Variants in ITGA8 observed in about 807,000 individuals in gnomAD.
The protein encoded by ITGA8 is integrin alpha-8.
A neutral mutation model predicts 142.3 loss-of-function variants in ITGA8; 91 were observed. That is an observed-to-expected ratio of 0.64 (90% CI 0.54 to 0.76). The LOEUF (loss-of-function observed/expected upper bound fraction) is 0.76. Ranked by LOEUF, ITGA8 falls within the 30% of genes least tolerant of loss-of-function variation. The pLI, the probability that ITGA8 is intolerant of heterozygous loss-of-function variation, is 0.00. For synonymous variants in ITGA8, 505 were observed against 485.2 expected, an observed-to-expected ratio of 1.04 and a Z score of -0.54; for missense variants, 1,406 against 1,327.7, an observed-to-expected ratio of 1.06 and a Z score of -0.92.
At chr10:15,578,478 T>C (rs1327030221) in intron 23 of ITGA8, among the ~76,000 whole-genome samples, 2 of 152,134 alleles carry the variant, frequency 1.3e-5, no homozygotes, top group Non-Finnish European at 2.9e-5. Flanking sequence ...AAGATTAATG[T>C]AGGGATTCTT....
intron 23 of ITGA8, among the ~76,000 whole-genome samples, chr10:15,576,696 A>G (rs952801241): frequency 6.6e-6 from 1 of 152,196 alleles, no homozygotes; most frequent in African/African-American, 2.4e-5. Flanking sequence ...CTTCATCTGG[A>G]AAATTATGAT....
At chr10:15,635,874 GCCT>G (rs1332665457) in intron 13 of ITGA8, among the ~76,000 whole-genome samples, 1 of 150,120 alleles carries the variant, frequency 6.7e-6, no homozygotes, top group African/African-American at 2.4e-5. Flanking sequence ...TTTGGATAAA[GCCT>G]CCTTCCATGC....
At chr10:15,522,134 A>C (rs1184218623) in intron 28 of ITGA8, among the ~76,000 whole-genome samples, 1 of 152,260 alleles carries the variant, frequency 6.6e-6, no homozygotes, top group Non-Finnish European at 1.5e-5. Flanking sequence ...TGTTTGAGAC[A>C]ATAGATATCC....
chr10:15,531,869 T>TG (rs756937599), intron 27 of ITGA8, among the ~76,000 whole-genome samples: 2 of 151,994 alleles, frequency 1.3e-5, no homozygotes, highest in East Asian at 1.9e-4. Flanking sequence ...CGCTTGAACC[T>TG]GGGGGGCGCA....
At chr10:15,554,613 G>C (rs1833855724) in intron 26 of ITGA8, among the ~76,000 whole-genome samples, 1 of 152,200 alleles carries the variant, frequency 6.6e-6, no homozygotes, top group Non-Finnish European at 1.5e-5. Context: ...AATTGGCTGA[G>C]AGAGTAGAAG....
chr10:15,569,490 T>C (rs751453123), intron 25 of ITGA8, among the ~76,000 whole-genome samples: 2 of 152,240 alleles, frequency 1.3e-5, no homozygotes, highest in Non-Finnish European at 2.9e-5. Flanking sequence ...GATACTGGAA[T>C]TGAATTCTTG....
At chr10:15,693,895 A>G (rs938062336) in intron 2 of ITGA8, among the ~76,000 whole-genome samples, 10 of 151,942 alleles carry the variant, frequency 6.6e-5, no homozygotes, top group African/African-American at 2.2e-4. Flanking sequence ...AAATCTCTTA[A>G]TGACAGATAG....
intron 13 of ITGA8, among the ~76,000 whole-genome samples, chr10:15,637,094 G>A (rs756410159): frequency 3.3e-5 from 5 of 152,182 alleles, no homozygotes; most frequent in African/African-American, 1.2e-4. Context: ...GCAGTGATCC[G>A]AGATTGTGAC....
At chr10:15,697,199 A>G (rs1381703722) in intron 2 of ITGA8, among the ~76,000 whole-genome samples, 2 of 152,226 alleles carry the variant, frequency 1.3e-5, no homozygotes, top group Non-Finnish European at 2.9e-5. Flanking sequence ...TTATACACAT[A>G]TGATTTGTAT....
chr10:15,517,271 A>C (rs776988253), intron 29 of ITGA8, 27 bp from the exon 30 acceptor site: 10 of 1,500,298 alleles, frequency 6.7e-6, no homozygotes, highest in Non-Finnish European at 9.2e-6. Flanking sequence ...GGGCTATAAA[A>C]TCACGTCATT....
chr10:15,676,383 A>T (rs1834631037), intron 6 of ITGA8, among the ~76,000 whole-genome samples: 1 of 152,140 alleles, frequency 6.6e-6, no homozygotes, highest in Non-Finnish European at 1.5e-5. Context: ...CACAGGTTGT[A>T]TTCCAGCTCC....
At chr10:15,698,946 T>C (rs1439342546) in intron 2 of ITGA8, among the ~76,000 whole-genome samples, 2 of 152,190 alleles carry the variant, frequency 1.3e-5, no homozygotes, top group Non-Finnish European at 2.9e-5. Flanking sequence ...TTTGTTTTGG[T>C]TGCATTTGCT....
At chr10:15,616,755 C>T (rs983265856) in intron 13 of ITGA8, among the ~76,000 whole-genome samples, 196 bp from the exon 14 acceptor site, 1 of 152,122 alleles carries the variant, frequency 6.6e-6, no homozygotes, top group Non-Finnish European at 1.5e-5. Context: ...CTTAATAAAA[C>T]GTCCATCAGT....
intron 2 of ITGA8, among the ~76,000 whole-genome samples, chr10:15,712,137 T>C (rs1835374579): frequency 6.6e-6 from 1 of 152,240 alleles, no homozygotes; most frequent in South Asian, 2.1e-4. Context: ...CTTTATGCAA[T>C]AAATATGTTC....
intron 2 of ITGA8, among the ~76,000 whole-genome samples, chr10:15,705,844 G>A (rs1217192100): frequency 2.6e-5 from 4 of 151,988 alleles, no homozygotes; most frequent in African/African-American, 9.7e-5. Context: ...TACCTAACTG[G>A]TGGCTCCTTC....
At chr10:15,572,447 C>G (rs537548381) in intron 24 of ITGA8, 78 bp from the exon 25 acceptor site, 318 of 1,271,746 alleles carry the variant, frequency 2.5e-4, no homozygotes, top group South Asian at 6.9e-4. Context: ...ACTCTATACC[C>G]ATTTTAGAAA....
chr10:15,637,724 T>C (rs2131640001), intron 13 of ITGA8, among the ~76,000 whole-genome samples: 1 of 152,110 alleles, frequency 6.6e-6, no homozygotes, highest in Non-Finnish European at 1.5e-5. Context: ...ATTTCCTAGG[T>C]TGGTTTCAAA....
chr10:15,535,024 CG>C, intron 27 of ITGA8, among the ~76,000 whole-genome samples: 1 of 152,266 alleles, frequency 6.6e-6, no homozygotes, highest in Non-Finnish European at 1.5e-5. Context: ...GCGGTGCTTG[CG>C]GGCCAGTGTG....
intron 11 of ITGA8, among the ~76,000 whole-genome samples, chr10:15,651,151 G>A (rs796209564): frequency 3.3e-5 from 5 of 151,728 alleles, no homozygotes; most frequent in African/African-American, 1.2e-4. Context: ...GTAATTCAGT[G>A]AATTTCTGAA....
Sources: allele counts gnomAD v4.1 joint callset (sites outside exome capture counted in the v4.1 genomes callset), GRCh38; gene constraint gnomAD v4.1.1; transcripts MANE v1.5; gene names NCBI Gene and HGNC (gene_info 2026-07-23, HGNC 2026-07-21).